FOCAD: variants seen among roughly 807,000 people sequenced by gnomAD.
The protein encoded by FOCAD is focadhesin, also known as KIAA1797.
In FOCAD, 198 loss-of-function variants were observed where a neutral mutation model predicts 225.6. That is an observed-to-expected ratio of 0.88 (90% CI 0.78 to 0.99). The LOEUF is 0.99. Among genes scored for constraint, FOCAD ranks in the 50% least tolerant of loss-of-function variants. The pLI, the probability that FOCAD is intolerant of heterozygous loss-of-function variation, is 0.00. For missense variants in FOCAD, 2,713 were observed against 2,123.6 expected, an observed-to-expected ratio of 1.28 and a Z score of -5.46; for synonymous variants, 897 against 755.0, an observed-to-expected ratio of 1.19 and a Z score of -3.08.
chr9:20,811,643 G>A (rs1457821474), intron 11 of FOCAD, among the ~76,000 whole-genome samples: 2 of 151,458 alleles, frequency 1.3e-5, no homozygotes, highest in Non-Finnish European at 3.0e-5. Flanking sequence ...ACCTTTTTTT[G>A]TGATGTTGCT....
At chr9:20,812,827 A>G (rs1344447782) in intron 11 of FOCAD, among the ~76,000 whole-genome samples, 1 of 152,084 alleles carries the variant, frequency 6.6e-6, no homozygotes, top group African/African-American at 2.4e-5. Context: ...AGTTGATAAG[A>G]TATCTTCTGA....
At chr9:20,887,681 G>A (rs1831216544) in intron 21 of FOCAD, among the ~76,000 whole-genome samples, 1 of 152,046 alleles carries the variant, frequency 6.6e-6, no homozygotes, top group East Asian at 1.9e-4. Context: ...TCATTTTTCT[G>A]TTTCTTTTCA....
At chr9:20,818,576 C>G (rs1156313762) in intron 11 of FOCAD, among the ~76,000 whole-genome samples, 1 of 152,016 alleles carries the variant, frequency 6.6e-6, no homozygotes, top group African/African-American at 2.4e-5. Flanking sequence ...GATTCTTTTG[C>G]ATGTGGATAT....
intron 15 of FOCAD, among the ~76,000 whole-genome samples, chr9:20,856,642 G>A (rs990859649): frequency 6.6e-6 from 1 of 151,866 alleles, no homozygotes; most frequent in Non-Finnish European, 1.5e-5. Context: ...TACTTTGGAG[G>A]TATTACTCAA....
intron 29 of FOCAD, among the ~76,000 whole-genome samples, chr9:20,946,042 G>T (rs1837140902): frequency 6.6e-6 from 1 of 151,792 alleles, no homozygotes; most frequent in Admixed American, 6.6e-5. Flanking sequence ...CCAAATCTTG[G>T]CTCCATTCCC....
chr9:20,788,616 C>T (rs1268674927), intron 10 of FOCAD, among the ~76,000 whole-genome samples: 1 of 152,118 alleles, frequency 6.6e-6, no homozygotes, highest in South Asian at 2.1e-4. Flanking sequence ...AAGCACTATA[C>T]ATGATTTGAG....
At chr9:20,766,177 A>G (rs1191405385) in intron 7 of FOCAD, among the ~76,000 whole-genome samples, 1 of 152,152 alleles carries the variant, frequency 6.6e-6, no homozygotes, top group African/African-American at 2.4e-5. Flanking sequence ...ACCTGTGTTG[A>G]CAGGCTTAAA....
intron 22 of FOCAD, among the ~76,000 whole-genome samples, chr9:20,909,911 G>T (rs1361713832): frequency 2.0e-5 from 3 of 152,038 alleles, no homozygotes; most frequent in Non-Finnish European, 4.4e-5. Flanking sequence ...GGTGCTAGAT[G>T]TATTTTTTAG....
At chr9:20,695,247 A>G (rs1307654423) in intron 1 of FOCAD, among the ~76,000 whole-genome samples, 1 of 152,138 alleles carries the variant, frequency 6.6e-6, no homozygotes, top group Non-Finnish European at 1.5e-5. Context: ...GTCCTATTCC[A>G]TCACCCATGA....
intron 3 of FOCAD, among the ~76,000 whole-genome samples, chr9:20,719,215 G>A (rs1825582699): frequency 6.6e-6 from 1 of 152,032 alleles, no homozygotes; most frequent in African/African-American, 2.4e-5. Flanking sequence ...CCGAGTAGCT[G>A]GGACTACAGG....
chr9:20,820,902 A>G (rs1824249365), intron 13 of FOCAD, 39 bp from the exon 14 acceptor site: 1 of 1,601,012 alleles, frequency 6.2e-7, no homozygotes, highest in African/African-American at 1.3e-5. Context: ...ATTCAACTCA[A>G]GTTGGGAAAC....
chr9:20,819,304 C>T (rs1824065658), intron 11 of FOCAD, among the ~76,000 whole-genome samples: 1 of 152,022 alleles, frequency 6.6e-6, no homozygotes, highest in Admixed American at 6.6e-5. Flanking sequence ...ACGTTGAGCT[C>T]CCAGTGTTAA....
At chr9:20,941,637 C>G (rs895199720) in intron 28 of FOCAD, among the ~76,000 whole-genome samples, 6 of 152,132 alleles carry the variant, frequency 3.9e-5, no homozygotes, top group African/African-American at 1.4e-4. Context: ...ATAATAGATT[C>G]AAATAAGTAA....
At chr9:20,960,209 A>T (rs922619776) in intron 35 of FOCAD, among the ~76,000 whole-genome samples, 1 of 152,204 alleles carries the variant, frequency 6.6e-6, no homozygotes, top group Non-Finnish European at 1.5e-5. Context: ...AGTTTATACA[A>T]TGCTCTTTAA....
Position 20,764,981 on chromosome 9 carries a change from C to T in FOCAD, c.607C>T (p.Leu203Phe), listed in dbSNP as rs764176452. The stretch of plus-strand genomic sequence containing the variant: ...CCGACTAGCCCTGCTGAAAGTCTTA[C>T]TTCAACCCCAGGTTCTTTGTGACAA... ...KLRLALLKVL[L>F]QPQVLCDKDQ... Residue 203 changes from leucine (L) to phenylalanine (F), a missense_variant, in exon 7 of 44, where the codon CTT (leucine) becomes TTT (phenylalanine). Leu to Phe is a conservative substitution (Grantham distance 22). Coordinates refer to ENST00000338382, the MANE Select transcript of FOCAD (RefSeq NM_001375567.1). 5 of 1,614,148 alleles carry T rather than the reference C, an allele frequency of 3.1e-6. No homozygotes were observed. The South Asian group carries it at 5.5e-5, about 18-fold the overall frequency.
At chr9:20,976,009 G>GTAATTATA (rs1197815516) in intron 35 of FOCAD, among the ~76,000 whole-genome samples, 1 of 152,022 alleles carries the variant, frequency 6.6e-6, no homozygotes, top group East Asian at 1.9e-4. Flanking sequence ...AGCACTGTAG[G>GTAATTATA]GTAGTGACTA....
At chr9:20,917,919 A>G (rs1288123733) in intron 24 of FOCAD, among the ~76,000 whole-genome samples, 1 of 152,202 alleles carries the variant, frequency 6.6e-6, no homozygotes, top group Non-Finnish European at 1.5e-5. Context: ...TTCTGGATAA[A>G]GAGAAATAGA....
chr9:20,966,728 A>G (rs1226448346), intron 35 of FOCAD, among the ~76,000 whole-genome samples: 1 of 151,998 alleles, frequency 6.6e-6, no homozygotes, highest in Non-Finnish European at 1.5e-5. Flanking sequence ...ATTCTTTTGC[A>G]TGTGAGTATC....
At chr9:20,687,453 C>A (rs1432953085) in intron 1 of FOCAD, among the ~76,000 whole-genome samples, 1 of 152,088 alleles carries the variant, frequency 6.6e-6, no homozygotes, top group African/African-American at 2.4e-5. Flanking sequence ...GTGTATCTTT[C>A]CCTTCTCTCT....
Sources: allele counts gnomAD v4.1 joint callset (sites outside exome capture counted in the v4.1 genomes callset), GRCh38; gene constraint gnomAD v4.1.1; transcripts MANE v1.5; gene names NCBI Gene and HGNC (gene_info 2026-07-23, HGNC 2026-07-21).